NICN1: variants seen among roughly 807,000 people sequenced by gnomAD.
NICN1 encodes nicolin-1.
Under a neutral mutation model 26.3 loss-of-function variants are expected in NICN1, and 18 were observed. That is an observed-to-expected ratio of 0.68 (90% CI 0.47 to 1.01). The LOEUF (loss-of-function observed/expected upper bound fraction) is 1.01. Ranked by LOEUF, NICN1 falls within the 50% of genes least tolerant of loss-of-function variation. The pLI is 0.00. For synonymous variants in NICN1, 109 were observed against 111.0 expected (o/e 0.98, Z 0.11); for missense variants, 239 against 278.3 (o/e 0.86, Z 1.00).
At position 49,424,427 on chromosome 3, in the gene NICN1, A is replaced by G; in HGVS notation, c.*406T>C. 7.0e-6 allele frequency: 2 copies of G among 284,050 alleles called. No individual in the cohort carries two copies. The highest frequency in any genetic ancestry group is 1.3e-5 in the Non-Finnish European group (2 of 150,038). The allele number at this position is 284,050 out of a possible 1,614,324, so 17.6% of individuals were successfully genotyped here. Reference sequence around the variant, plus strand: ...TTCTTCCTCAAGTGTCCCAAGTGCCATGGCAGCAATGGCCTTCCAGGTCCA... The same window carrying G: ...TTCTTCCTCAAGTGTCCCAAGTGCCGTGGCAGCAATGGCCTTCCAGGTCCA... On this transcript the variant is annotated 3_prime_UTR_variant, in exon 6 of 6. Transcript: ENST00000273598.
chr3:49,427,306 G>A (rs1347952596), intron 1 of NICN1, among the ~76,000 whole-genome samples: 1 of 145,316 alleles, frequency 6.9e-6, no homozygotes, highest in Non-Finnish European at 1.5e-5. Flanking sequence ...GGGCGCGACA[G>A]AGCAAGACAC....
chr3:49,424,901 G>T, intron 5 of NICN1, 27 bp from the exon 6 acceptor site: 1 of 1,612,874 alleles, frequency 6.2e-7, no homozygotes, highest in Non-Finnish European at 8.5e-7. Flanking sequence ...CATCAGGTCT[G>T]ATCTGCTCAG....
chr3:49,425,297 G>A, intron 4 of NICN1, 70 bp downstream of exon 4: 1 of 1,314,890 alleles, frequency 7.6e-7, no homozygotes, highest in East Asian at 2.4e-5. Flanking sequence ...TTTACAGGAA[G>A]GGGTCTACCT....
intron 4 of NICN1, 37 bp downstream of exon 4, chr3:49,425,330 C>A: frequency 6.4e-7 from 1 of 1,551,734 alleles, no homozygotes; most frequent in Non-Finnish European, 8.8e-7. Flanking sequence ...ACACTAGAGC[C>A]ATTCACACAT....
At chr3:49,427,915 G>T (rs2049188307) in intron 1 of NICN1, among the ~76,000 whole-genome samples, 2 of 152,154 alleles carry the variant, frequency 1.3e-5, no homozygotes, top group South Asian at 4.1e-4. Context: ...GGAACAGCTT[G>T]GGGGAGAACC....
At position 49,424,704 on chromosome 3, in the gene NICN1, A is replaced by G; in HGVS notation, c.*129T>C. 1 of 780,202 alleles carries G rather than the reference A, an allele frequency of 1.3e-6. No homozygotes were observed. Among genetic ancestry groups the G allele is most frequent in the Non-Finnish European group, 2.3e-6 (1 of 440,008 alleles). 48.3% of individuals were successfully genotyped at this position (780,202 alleles called of 1,614,324 possible). ...GCCCCTGAGAATCCTGAATCTGTGA[A>G]TGTGGCCCAGACAGAACAGGCATGC... On this transcript the variant is annotated 3_prime_UTR_variant, in exon 6 of 6. Transcript: ENST00000273598.
At chr3:49,426,161 C>T in intron 2 of NICN1, 91 bp downstream of exon 2, 1 of 1,367,900 alleles carries the variant, frequency 7.3e-7, no homozygotes, top group Non-Finnish European at 1.0e-6. Flanking sequence ...CCAGACTGGC[C>T]CCCTCTTCCC....
Position 49,422,624 on chromosome 3 carries a change from C to G in NICN1, c.*2209G>C. 1 of 747,696 alleles carries G rather than the reference C, an allele frequency of 1.3e-6. No homozygotes were observed. The highest frequency in any genetic ancestry group is 2.3e-6 in the Non-Finnish European group (1 of 426,514). The allele number at this position is 747,696 out of a possible 1,614,324, so 46.3% of individuals were successfully genotyped here. A position where few individuals can be genotyped will look rare whatever the true frequency, so the allele number is the denominator to read the frequency against. ...ATTTAGAGCAGAGAATGCAGGAACC[C>G]GCAACCACAGGGAAGAAGCCTCCAG... On this transcript the variant is annotated 3_prime_UTR_variant, in exon 6 of 6. Coordinates refer to ENST00000273598, the MANE Select transcript of NICN1 (RefSeq NM_032316.3).
In NICN1 at chr3:49,426,245, A is replaced by G; in HGVS notation, c.309+7T>C. ...GGCTGCCCTGGCCATCCTGAGGCCC[A>G]GCTGACCTGATGCTTGAACAGCGAT... On this transcript the variant is annotated splice_region_variant and intron_variant, in intron 2 of 5. Coordinates refer to ENST00000273598, the MANE Select transcript of NICN1 (RefSeq NM_032316.3). 6.2e-7 allele frequency: 1 copy of G among 1,613,646 alleles called. No individual in the cohort carries two copies. The highest frequency in any genetic ancestry group is 1.7e-4 in the Middle Eastern group (1 of 5,998).
intron 4 of NICN1, 28 bp downstream of exon 4, chr3:49,425,339 A>G (rs779183360): frequency 3.8e-6 from 6 of 1,590,792 alleles, no homozygotes; most frequent in African/African-American, 1.3e-5. Context: ...CCATTCACAC[A>G]TGGTTCTTAC....
rs998001987 is a variant in NICN1 at position 49,425,371 on chromosome 3, C to T, written c.491G>A (p.Arg164His). ...TTACCTAGGGTGAGGGCTTACCTCACGGAGGAGTGCAGGTTGCTCACAGGG... is the reference window on the plus strand; with the variant it reads ...TTACCTAGGGTGAGGGCTTACCTCATGGAGGAGTGCAGGTTGCTCACAGGG... ...PVPCEQPALL[R>H]EGLPDPSRVS... Residue 164 changes from arginine (R) to histidine (H), a missense_variant, in exon 4 of 6, where the codon CGT becomes CAT. Transcript: ENST00000273598. 12 of 1,612,154 alleles carry T rather than the reference C, an allele frequency of 7.4e-6. No homozygotes were observed. Among genetic ancestry groups the T allele is most frequent in the African/African-American group, 5.3e-5 (4 of 74,918 alleles).
At chr3:49,425,516 G>A in intron 3 of NICN1, 78 bp from the exon 4 acceptor site, 1 of 1,230,068 alleles carries the variant, frequency 8.1e-7, no homozygotes, top group Non-Finnish European at 1.1e-6. Context: ...CCTAGGAGCA[G>A]AGAGAAGGGC....
At chr3:49,425,811 C>T in intron 3 of NICN1, 72 bp downstream of exon 3, 1 of 775,764 alleles carries the variant, frequency 1.3e-6, no homozygotes, top group South Asian at 1.7e-5. Flanking sequence ...TTACCCACCC[C>T]ACCACCTAGC....
intron 4 of NICN1, 152 bp downstream of exon 4, chr3:49,425,215 G>C: frequency 1.2e-6 from 1 of 820,888 alleles, no homozygotes; most frequent in Non-Finnish European, 2.0e-6. Context: ...CCCCACAACA[G>C]AGATGCCTCA....
rs963035413 is a variant in NICN1, at chr3:49,425,437, C to T, written c.425G>A (p.Ser142Asn). 3.7e-6 allele frequency: 6 copies of T among 1,609,492 alleles called. No homozygotes were observed. The highest frequency in any genetic ancestry group is 5.1e-6 in the Non-Finnish European group (6 of 1,178,134). Residue 142 changes from serine to asparagine, a missense_variant and splice_region_variant, in exon 4 of 6, where the codon AGC (serine) becomes AAC (asparagine). Physicochemically the swap from Ser to Asn is conservative, Grantham distance 46. Transcript: ENST00000273598. ...ELQIYQQGPK[S>N]PSVTFPKWLS... ...CCACTTGGGAAAGGTCACGGAGGGG[C>T]TCTGCAAAGCAAAGATGTACTGCCC...
rs1451508334 is a variant in NICN1, at chr3:49,424,894, C to T, written c.601-20G>A. ...ATCCACCTGAAATACAAAAGACCAT[C>T]AGGTCTGATCTGCTCAGGGCAAAGC... On this transcript the variant is annotated intron_variant, in intron 5 of 5. Coordinates refer to ENST00000273598, the MANE Select transcript of NICN1 (RefSeq NM_032316.3). 11 of 1,613,070 alleles carry T rather than the reference C, an allele frequency of 6.8e-6. No individual in the cohort carries two copies. The highest frequency in any genetic ancestry group is 2.7e-5 in the African/African-American group (2 of 74,876).
rs774129151 is a variant in NICN1 at position 49,429,222 on chromosome 3, C to A, written c.18G>T (p.Val6=). 6.2e-7 allele frequency: 1 copy of A among 1,606,900 alleles called. No individual in the cohort carries two copies. The highest frequency in any genetic ancestry group is 1.7e-5 in the Admixed American group (1 of 59,402). Reference sequence around the variant, plus strand: ...CTACGGAGCCTTTCACATGGCAAGGCACCAAAACGCGGGACATGGTGACAG... The same window carrying A: ...CTACGGAGCCTTTCACATGGCAAGGAACCAAAACGCGGGACATGGTGACAG... MSRVL[V]PCHVKGSVAL... The change falls in exon 1 of 6, where the codon GTG becomes GTT. Residue 6 remains valine (V), a synonymous_variant. Coordinates refer to ENST00000273598, the MANE Select transcript of NICN1 (RefSeq NM_032316.3).
intron 1 of NICN1, among the ~76,000 whole-genome samples, chr3:49,427,644 G>GAAA (rs58773326): frequency 6.8e-5 from 7 of 102,794 alleles, no homozygotes; most frequent in Non-Finnish European, 9.7e-5. Context: ...CTACCTCTCA[G>GAAA]AAAAAAAAAA....
chr3:49,424,889 AC>A lies in NICN1; in HGVS notation c.601-16del. 1 of 1,613,510 alleles carries A rather than the reference AC, an allele frequency of 6.2e-7. No homozygotes were observed. The highest frequency in any genetic ancestry group is 1.1e-5 in the South Asian group (1 of 91,078). Reference sequence around the variant, plus strand: ...CAGCCATCCACCTGAAATACAAAAGACCATCAGGTCTGATCTGCTCAGGGCA... The same window carrying A: ...CAGCCATCCACCTGAAATACAAAAGACATCAGGTCTGATCTGCTCAGGGCA... On this transcript the variant is annotated splice_polypyrimidine_tract_variant and intron_variant, in intron 5 of 5. Transcript: ENST00000273598.
Sources: allele counts gnomAD v4.1 joint callset (sites outside exome capture counted in the v4.1 genomes callset), GRCh38; gene constraint gnomAD v4.1.1; transcripts MANE v1.5; gene names NCBI Gene and HGNC (gene_info 2026-07-23, HGNC 2026-07-21).